The following CERS4 variants were observed in gnomAD, a reference collection of about 807,000 sequenced individuals.
The protein encoded by CERS4 is ceramide synthase 4.
CERS4 carries 65 observed loss-of-function variants against 51.8 expected under a neutral mutation model. The ratio of observed to expected loss-of-function variants is 1.26; its 90% CI spans 1.03 to 1.54. CERS4 has a LOEUF of 1.54. CERS4 is among the 40% of genes most tolerant of loss of function. CERS4 has a pLI of 0.00. For missense variants in CERS4, 563 were observed against 500.4 expected, an observed-to-expected ratio of 1.13 and a Z score of -1.19; for synonymous variants, 228 against 208.4, an observed-to-expected ratio of 1.09 and a Z score of -0.81.
Position 8,256,998 on chromosome 19 carries a change from C to T in CERS4, c.662C>T (p.Thr221Ile). Residue 221 changes from threonine to isoleucine, a missense_variant, in exon 9 of 12, where the codon ACC becomes ATC. Coordinates refer to ENST00000251363, the MANE Select transcript of CERS4 (RefSeq NM_024552.3). ...IHHFVAVILMTFSYSANLLRI... is the reference protein window; with the variant it reads ...IHHFVAVILMIFSYSANLLRI... Reference sequence around the variant, plus strand: ...CACTTCGTGGCGGTCATCCTGATGACCTTCTCCTACAGTGCCAACCTGCTG... The same window carrying T: ...CACTTCGTGGCGGTCATCCTGATGATCTTCTCCTACAGTGCCAACCTGCTG... 1 of 1,614,066 alleles carries T rather than the reference C, an allele frequency of 6.2e-7. No homozygotes were observed. The highest frequency in any genetic ancestry group is 8.5e-7 in the Non-Finnish European group (1 of 1,179,980).
intron 2 of CERS4, among the ~76,000 whole-genome samples, chr19:8,221,965 T>G (rs1196297005): frequency 1.6e-5 from 2 of 125,666 alleles, no homozygotes; most frequent in Non-Finnish European, 3.2e-5. Context: ...CACTGCAAGC[T>G]CCGCCTCCCG....
intron 2 of CERS4, among the ~76,000 whole-genome samples, chr19:8,246,744 G>GGGCAGA (rs1968805432): frequency 1.3e-5 from 2 of 151,976 alleles, no homozygotes; most frequent in Non-Finnish European, 1.5e-5. Flanking sequence ...AGGGATGGAT[G>GGGCAGA]GGCAGAGGCA....
intron 2 of CERS4, among the ~76,000 whole-genome samples, chr19:8,225,616 G>A (rs1416494226): frequency 1.3e-5 from 2 of 151,572 alleles, no homozygotes; most frequent in Admixed American, 6.6e-5. Flanking sequence ...TAGAGATGGG[G>A]TTTCTCCATG....
chr19:8,242,310 G>A (rs140711125), intron 2 of CERS4, among the ~76,000 whole-genome samples: 1 of 152,196 alleles, frequency 6.6e-6, no homozygotes, highest in African/African-American at 2.4e-5. Context: ...GAGAGAGTAG[G>A]ACCTCTGGGG....
At chr19:8,256,558 T>C in intron 7 of CERS4, 60 bp from the exon 8 acceptor site, 3 of 1,495,172 alleles carry the variant, frequency 2.0e-6, no homozygotes, top group Admixed American at 1.9e-5. Flanking sequence ...CCCGGAGCCA[T>C]ACCCCTGCCC....
chr19:8,245,013 G>A (rs1968696002), intron 2 of CERS4, among the ~76,000 whole-genome samples: 2 of 151,434 alleles, frequency 1.3e-5, no homozygotes, highest in South Asian at 4.2e-4. Flanking sequence ...GCGTAGTGGC[G>A]GGCACCTGTA....
At chr19:8,237,002 C>CAA (rs781273995) in intron 2 of CERS4, among the ~76,000 whole-genome samples, 13,578 of 44,770 alleles carry the variant, frequency 0.3, 3,611 homozygotes, top group East Asian at 0.49. Context: ...GACTCTGTCT[C>CAA]AAAAAAAAAA....
chr19:8,248,317 GGACA>G (rs1178216528), intron 2 of CERS4, among the ~76,000 whole-genome samples: 2 of 152,296 alleles, frequency 1.3e-5, no homozygotes, highest in African/African-American at 2.4e-5. Context: ...ATGGATGGAT[GGACA>G]GACAGACGGA....
chr19:8,257,802 G>A (rs1969474839), intron 9 of CERS4, 77 bp from the exon 10 acceptor site: 14 of 1,115,638 alleles, frequency 1.3e-5, no homozygotes, highest in Non-Finnish European at 1.8e-5. Flanking sequence ...CAACTCACCT[G>A]GTCCCATCCT....
chr19:8,258,006 G>C (rs1969488711), intron 10 of CERS4, 21 bp downstream of exon 10: 2 of 1,569,230 alleles, frequency 1.3e-6, no homozygotes, highest in African/African-American at 2.7e-5. Flanking sequence ...CCTCCCATGG[G>C]GGTCAGGGAG....
chr19:8,220,244 A>C (rs558180376), intron 2 of CERS4, among the ~76,000 whole-genome samples: 228 of 148,174 alleles, frequency 1.5e-3, no homozygotes, highest in African/African-American at 5.5e-3. Context: ...AAGATACCCT[A>C]CCCGGACCTC....
rs368805568 is a variant in CERS4 at position 8,261,863 on chromosome 19, G to A, written c.1005+19G>A. 212 of 1,613,494 alleles carry A rather than the reference G, an allele frequency of 1.3e-4. No homozygotes were observed. In the African/African-American group the frequency reaches 1.9e-3, roughly 15 times the overall value. On this transcript the variant is annotated intron_variant, in intron 11 of 11. Transcript: ENST00000251363. ...GGGCCAGGTATGGCTGGACCTCCCC[G>A]GGGGCCCCAGCCCTAAGCTCCTCCT... is the stretch of plus-strand genomic sequence containing the variant.
At chr19:8,254,787 C>A (rs184924091) in intron 4 of CERS4, among the ~76,000 whole-genome samples, 171 bp downstream of exon 4, 10 of 152,258 alleles carry the variant, frequency 6.6e-5, no homozygotes, top group East Asian at 1.9e-4. Context: ...GGCTCTACCC[C>A]CCAGCCTCCC....
chr19:8,218,978 G>A (rs898302031), intron 2 of CERS4, among the ~76,000 whole-genome samples: 9 of 152,104 alleles, frequency 5.9e-5, no homozygotes, highest in Non-Finnish European at 8.8e-5. Context: ...AGGCCGAGGC[G>A]GGAGGATCAC....
At chr19:8,239,200 G>A (rs970060366) in intron 2 of CERS4, among the ~76,000 whole-genome samples, 20 of 151,766 alleles carry the variant, frequency 1.3e-4, no homozygotes, top group East Asian at 3.9e-4. Flanking sequence ...TCAAGAGTTC[G>A]AAACCAGCCT....
At chr19:8,257,263 T>G in intron 9 of CERS4, 186 bp downstream of exon 9, 1 of 620,286 alleles carries the variant, frequency 1.6e-6, no homozygotes, top group Non-Finnish European at 2.7e-6. Context: ...CCCTCTGTCT[T>G]CCTGGGTGAT....
chr19:8,251,675 A>G (rs1244237840), intron 3 of CERS4, among the ~76,000 whole-genome samples: 1 of 151,764 alleles, frequency 6.6e-6, no homozygotes, highest in Non-Finnish European at 1.5e-5. Flanking sequence ...AGCTGGGCGC[A>G]AACCTGTAAT....
chr19:8,211,989 C>T (rs909993187), intron 2 of CERS4, among the ~76,000 whole-genome samples: 4 of 151,608 alleles, frequency 2.6e-5, no homozygotes, highest in Non-Finnish European at 4.4e-5. Flanking sequence ...CAGGGAAGGC[C>T]TCCTGGAGGA....
At chr19:8,235,065 A>G (rs1968186207) in intron 2 of CERS4, among the ~76,000 whole-genome samples, 2 of 139,848 alleles carry the variant, frequency 1.4e-5, no homozygotes, top group Non-Finnish European at 3.1e-5. Context: ...CTGGAGTGCA[A>G]TGGCAGGATC....
Sources: allele counts gnomAD v4.1 joint callset (sites outside exome capture counted in the v4.1 genomes callset), GRCh38; gene constraint gnomAD v4.1.1; transcripts MANE v1.5; gene names NCBI Gene and HGNC (gene_info 2026-07-23, HGNC 2026-07-21).